The following ZNF761 variants were observed in gnomAD, a reference collection of about 807,000 sequenced individuals.
ZNF761 encodes zinc finger protein 761.
ZNF761 carries 43 observed loss-of-function variants against 59.9 expected under a neutral mutation model. That is an observed-to-expected ratio of 0.72 (90% CI 0.56 to 0.92). The LOEUF (loss-of-function observed/expected upper bound fraction) is 0.92, where lower values mean the gene tolerates loss of function less well. Among genes scored for constraint, ZNF761 ranks in the 40% least tolerant of loss-of-function variants. The pLI, the probability that ZNF761 is intolerant of heterozygous loss-of-function variation, is 0.00. For missense variants in ZNF761, 850 were observed against 906.1 expected (o/e 0.94, Z 0.79); for synonymous variants, 294 against 304.8 (o/e 0.96, Z 0.37).
At chr19:53,453,526 C>T (rs2147141696) in intron 4 of ZNF761, among the ~76,000 whole-genome samples, 1 of 152,214 alleles carries the variant, frequency 6.6e-6, no homozygotes, top group African/African-American at 2.4e-5. Context: ...TATGATTGTA[C>T]ATGAGGCTTT....
chr19:53,436,112 G>A (rs974067426), intron 1 of ZNF761, among the ~76,000 whole-genome samples: 1 of 152,150 alleles, frequency 6.6e-6, no homozygotes, highest in Non-Finnish European at 1.5e-5. Context: ...GGTCTTGCTG[G>A]CTGTTCCACT....
At chr19:53,439,910 G>T (rs1425543612) in intron 1 of ZNF761, among the ~76,000 whole-genome samples, 1 of 152,210 alleles carries the variant, frequency 6.6e-6, no homozygotes, top group East Asian at 1.9e-4. Flanking sequence ...GCTACTACTG[G>T]TGCATGATTT....
chr19:53,433,167 A>T (rs569837442), intron 1 of ZNF761, among the ~76,000 whole-genome samples: 1 of 151,336 alleles, frequency 6.6e-6, no homozygotes, highest in Non-Finnish European at 1.5e-5. Context: ...TTTATTTAAG[A>T]TACGCACCGG....
intron 4 of ZNF761, among the ~76,000 whole-genome samples, chr19:53,450,992 CAA>C (rs34019664): frequency 1.1e-4 from 14 of 121,958 alleles, no homozygotes; most frequent in Admixed American, 1.8e-4. Flanking sequence ...GACTCTGTCT[CAA>C]AAAAAAAAAA....
At chr19:53,444,278 G>A (rs758666066) in intron 1 of ZNF761, 8 of 152,196 alleles carry the variant, frequency 5.3e-5, no homozygotes, top group Admixed American at 2.6e-4. Flanking sequence ...TCTCCTGCTC[G>A]TCCTGGCAAT....
At chr19:53,440,946 G>A (rs2617749) in intron 1 of ZNF761, among the ~76,000 whole-genome samples, 2,130 of 152,288 alleles carry the variant, frequency 0.014, 36 homozygotes, top group African/African-American at 0.046. Flanking sequence ...AAAATACTGG[G>A]ATTACAAGGA....
chr19:53,449,144 T>A (rs1210934832), intron 3 of ZNF761, among the ~76,000 whole-genome samples: 15,873 of 151,956 alleles, frequency 0.1, 1,378 homozygotes, highest in African/African-American at 0.23. Context: ...AACCTGGCTA[T>A]TACGGTGAAA....
intron 1 of ZNF761, among the ~76,000 whole-genome samples, chr19:53,438,672 C>A (rs549199372): frequency 6.6e-6 from 1 of 152,304 alleles, no homozygotes; most frequent in East Asian, 1.9e-4. Flanking sequence ...CTAAAAATTC[C>A]TATTTGTCAT....
intron 1 of ZNF761, among the ~76,000 whole-genome samples, chr19:53,438,573 C>A (rs2086066526): frequency 6.6e-6 from 1 of 152,162 alleles, no homozygotes; most frequent in African/African-American, 2.4e-5. Context: ...AAAAGAGGGG[C>A]TCCTTTTCCC....
At chr19:53,453,249 G>T (rs2086236444) in intron 4 of ZNF761, among the ~76,000 whole-genome samples, 1 of 152,236 alleles carries the variant, frequency 6.6e-6, no homozygotes, top group South Asian at 2.1e-4. Flanking sequence ...TGATCCGCCT[G>T]CCTCAGCCTC....
chr19:53,457,232 G>C lies in ZNF761; in HGVS notation c.*484G>C. 2.1e-6 allele frequency: 1 copy of C among 474,018 alleles called. No homozygotes were observed. The highest frequency in any genetic ancestry group is 2.0e-5 in the African/African-American group (1 of 50,344). The allele number at this position is 474,018 out of a possible 1,614,324, so 29.4% of individuals were successfully genotyped here. On this transcript the variant is annotated 3_prime_UTR_variant, in exon 5 of 5. Coordinates refer to ENST00000684525, the MANE Select transcript of ZNF761 (RefSeq NM_001289951.2). ...ATCACTGGAGAATCCATAAGGAAGA[G>C]AGATCATACTAGGGTAATAAATGTG...
intron 1 of ZNF761, among the ~76,000 whole-genome samples, chr19:53,435,594 T>G (rs3975040): frequency 0.3 from 45,903 of 151,916 alleles, 7,585 homozygotes; most frequent in Middle Eastern, 0.37. Flanking sequence ...TGAGCAACTG[T>G]GCCTGGCCTT....
At chr19:53,435,646 T>C (rs1190714414) in intron 1 of ZNF761, among the ~76,000 whole-genome samples, 1 of 152,006 alleles carries the variant, frequency 6.6e-6, no homozygotes, top group Non-Finnish European at 1.5e-5. Context: ...ACACTCATAA[T>C]AAGTATGGTG....
At chr19:53,434,399 A>T (rs28871356) in intron 1 of ZNF761, among the ~76,000 whole-genome samples, 5,147 of 152,192 alleles carry the variant, frequency 0.034, 133 homozygotes, top group East Asian at 0.14. Context: ...GCCCTTGTCC[A>T]TTTTCCTGGC....
rs1460617966 is a variant in ZNF761, at chr19:53,447,299, C to T, written c.15+16C>T. 1 of 1,613,016 alleles carries T rather than the reference C, an allele frequency of 6.2e-7. No homozygotes were observed. The highest frequency in any genetic ancestry group is 2.2e-5 in the East Asian group (1 of 44,874). On this transcript the variant is annotated intron_variant, in intron 3 of 4. Coordinates refer to ENST00000684525, the MANE Select transcript of ZNF761 (RefSeq NM_001289951.2). ...TTTTTCTCAGGTGAGATGATATTTT[C>T]AGTGGATTGTTCTGTCTCCTTCCTT...
chr19:53,435,459 C>G (rs968908286), intron 1 of ZNF761, among the ~76,000 whole-genome samples: 1 of 151,802 alleles, frequency 6.6e-6, no homozygotes, highest in Non-Finnish European at 1.5e-5. Context: ...CATGCGCCAC[C>G]ATGCCTGTTT....
intron 3 of ZNF761, among the ~76,000 whole-genome samples, chr19:53,447,520 A>T (rs2086173520): frequency 6.6e-6 from 1 of 152,142 alleles, no homozygotes; most frequent in Non-Finnish European, 1.5e-5. Flanking sequence ...ACACCCAGAC[A>T]TGGATGGAGA....
Position 53,456,573 on chromosome 19 carries a change from C to T in ZNF761, c.2066C>T (p.Pro689Leu). ...CATAGACTTCATACTGGAGAGAAAC[C>T]TTATAAGTGTAATGAGTGTGGCAAG... is the stretch of plus-strand genomic sequence containing the variant. The part of the protein sequence containing the change: ...CHHRLHTGEK[P>L]YKCNECGKNF... Residue 689 changes from proline (P) to leucine (L), a missense_variant, in exon 5 of 5, where the codon CCT (proline) becomes CTT (leucine). Transcript: ENST00000684525. The T allele has an allele frequency of 6.2e-7, 1 of 1,611,106 alleles. No individual in the cohort carries two copies. The highest frequency in any genetic ancestry group is 8.5e-7 in the Non-Finnish European group (1 of 1,178,496).
chr19:53,432,667 A>G (rs1317229082), intron 1 of ZNF761, among the ~76,000 whole-genome samples: 1 of 152,218 alleles, frequency 6.6e-6, no homozygotes, highest in Non-Finnish European at 1.5e-5. Context: ...TGTGGGCCAA[A>G]GGGATCAGGA....
Sources: allele counts gnomAD v4.1 joint callset (sites outside exome capture counted in the v4.1 genomes callset), GRCh38; gene constraint gnomAD v4.1.1; transcripts MANE v1.5; gene names NCBI Gene and HGNC (gene_info 2026-07-23, HGNC 2026-07-21).